TTLL7: variants seen among roughly 807,000 people sequenced by gnomAD.
TTLL7 encodes the protein tubulin polyglutamylase TTLL7.
TTLL7 carries 53 observed loss-of-function variants against 120.2 expected under a neutral mutation model. The observed-to-expected ratio is 0.44, with a 90% CI of 0.35 to 0.55. The LOEUF (loss-of-function observed/expected upper bound fraction) is 0.55. Among genes scored for constraint, TTLL7 ranks in the 20% least tolerant of loss-of-function variants. The probability of loss-of-function intolerance (pLI) is 0.00; values close to 1 mark genes in which losing one functional copy is unlikely to be tolerated. For synonymous variants in TTLL7, 353 were observed against 351.7 expected (o/e 1.00, Z -0.04); for missense variants, 803 against 1,054.7 (o/e 0.76, Z 3.31).
chr1:83,891,117 G>A (rs182155396), intron 18 of TTLL7, among the ~76,000 whole-genome samples: 1 of 152,042 alleles, frequency 6.6e-6, no homozygotes, highest in East Asian at 1.9e-4. Flanking sequence ...AAGATTAATA[G>A]ATTTTGATTA....
chr1:83,949,687 CA>C (rs1648858719), intron 4 of TTLL7, 177 bp downstream of exon 4: 1 of 605,756 alleles, frequency 1.7e-6, no homozygotes, highest in Admixed American at 3.7e-5. Context: ...CTTAAGTCTG[CA>C]AAAGATGCAG....
chr1:83,969,982 T>C (rs1346962935), intron 1 of TTLL7, among the ~76,000 whole-genome samples: 1 of 152,054 alleles, frequency 6.6e-6, no homozygotes, highest in Non-Finnish European at 1.5e-5. Context: ...TAGGATATTA[T>C]ATTCACTGTC....
chr1:83,878,910 A>G (rs763365381), intron 20 of TTLL7, among the ~76,000 whole-genome samples: 16 of 151,970 alleles, frequency 1.1e-4, no homozygotes, highest in Non-Finnish European at 2.4e-4. Context: ...TATCCTGTAG[A>G]TCTTTGGTAA....
At chr1:83,923,883 T>C (rs909945410) in intron 10 of TTLL7, among the ~76,000 whole-genome samples, 2 of 152,164 alleles carry the variant, frequency 1.3e-5, no homozygotes, top group African/African-American at 4.8e-5. Context: ...TCTTGAGTCT[T>C]TTCCACTACT....
At chr1:83,941,456 A>G (rs969136562) in intron 7 of TTLL7, among the ~76,000 whole-genome samples, 1 of 152,264 alleles carries the variant, frequency 6.6e-6, no homozygotes, top group East Asian at 1.9e-4. Flanking sequence ...TTCTTTTCCT[A>G]TGAAAAGTTT....
rs1398535357 is a variant in TTLL7, at chr1:83,867,491, G to A, written c.*2471C>T. The A allele has an allele frequency of 6.6e-6, 1 of 151,880 alleles. No individual in the cohort carries two copies. The highest frequency in any genetic ancestry group is 1.5e-5 in the Non-Finnish European group (1 of 67,874). The allele number at this position is 151,880 out of a possible 1,614,324, so 9.4% of individuals were successfully genotyped here. A position where few individuals can be genotyped will look rare whatever the true frequency, so the allele number is the denominator to read the frequency against. On this transcript the variant is annotated 3_prime_UTR_variant, in exon 21 of 21. Transcript: ENST00000260505. ...AATTTATTTGTTGAAATCAATTTGT[G>A]GGGTACTTTCATACATTTAAATTTA...
At chr1:83,996,653 G>A (rs552732269) in intron 1 of TTLL7, among the ~76,000 whole-genome samples, 6 of 152,222 alleles carry the variant, frequency 3.9e-5, no homozygotes, top group Non-Finnish European at 5.9e-5. Flanking sequence ...AATTACTCAC[G>A]TGTAAGTAAA....
intron 15 of TTLL7, among the ~76,000 whole-genome samples, chr1:83,909,257 CTTTTTTTTTTCCT>C (rs1557612445): frequency 8.3e-6 from 1 of 119,774 alleles, no homozygotes; most frequent in African/African-American, 3.2e-5. Flanking sequence ...TCACAGATTA[CTTTTTTTTTTCCT>C]TTTTTTTTTT....
At chr1:83,903,958 G>A in intron 18 of TTLL7, 121 bp downstream of exon 18, 3 of 760,634 alleles carry the variant, frequency 3.9e-6, no homozygotes, top group Non-Finnish European at 6.7e-6. Context: ...CTTAATAAGT[G>A]TTTGTTGAAG....
At chr1:83,984,931 T>C (rs577706700) in intron 1 of TTLL7, among the ~76,000 whole-genome samples, 2 of 150,980 alleles carry the variant, frequency 1.3e-5, no homozygotes, top group African/African-American at 2.4e-5. Context: ...CAAAATAAAA[T>C]AAAATAAAAT....
intron 20 of TTLL7, among the ~76,000 whole-genome samples, chr1:83,871,662 G>A (rs557264463): frequency 2.0e-5 from 3 of 152,042 alleles, no homozygotes; most frequent in South Asian, 2.1e-4. Context: ...TTGGGAGGCC[G>A]AGACGGGCGG....
At chr1:83,935,565 T>A (rs1043547293) in intron 8 of TTLL7, among the ~76,000 whole-genome samples, 6 of 152,112 alleles carry the variant, frequency 3.9e-5, no homozygotes, top group African/African-American at 1.2e-4. Context: ...ATACTCATTT[T>A]TAATCTCCAT....
At chr1:83,930,007 C>T (rs936785418) in intron 9 of TTLL7, among the ~76,000 whole-genome samples, 18 of 152,074 alleles carry the variant, frequency 1.2e-4, no homozygotes, top group Admixed American at 2.6e-4. Flanking sequence ...CCACAACTTG[C>T]ACCTGAAGAA....
At chr1:83,984,495 T>A in intron 1 of TTLL7, among the ~76,000 whole-genome samples, 1 of 152,206 alleles carries the variant, frequency 6.6e-6, no homozygotes, top group East Asian at 1.9e-4. Context: ...TGCAGCACTA[T>A]TCACAATAGC....
Position 83,948,613 on chromosome 1 carries a change from G to T in TTLL7, c.347+15C>A. 1 of 1,581,880 alleles carries T rather than the reference G, an allele frequency of 6.3e-7. No homozygotes were observed. The highest frequency in any genetic ancestry group is 1.3e-5 in the African/African-American group (1 of 74,290). On this transcript the variant is annotated intron_variant, in intron 5 of 20. Transcript: ENST00000260505. The stretch of plus-strand genomic sequence containing the variant: ...TTTGAACAGGTCTTCTCCATTACAA[G>T]AAAATAAAGATTACTTGGTCATATT...
At chr1:83,939,782 A>T (rs1647764003) in intron 7 of TTLL7, among the ~76,000 whole-genome samples, 2 of 152,300 alleles carry the variant, frequency 1.3e-5, no homozygotes, top group East Asian at 3.9e-4. Context: ...TTTAATTCTT[A>T]TAGAAATAAT....
chr1:83,911,122 A>G, intron 15 of TTLL7, 43 bp downstream of exon 15: 1 of 1,515,342 alleles, frequency 6.6e-7, no homozygotes, highest in South Asian at 1.2e-5. Context: ...TTTCAGTTCC[A>G]TAATTCTTTA....
At chr1:83,913,729 ATT>A (rs1657866712) in intron 14 of TTLL7, among the ~76,000 whole-genome samples, 1 of 152,186 alleles carries the variant, frequency 6.6e-6, no homozygotes, top group African/African-American at 2.4e-5. Flanking sequence ...CAACAAATAC[ATT>A]GTTAGTTTCC....
rs1293522101 is a variant in TTLL7 at position 83,866,276 on chromosome 1, A to T, written c.*3686T>A. On this transcript the variant is annotated 3_prime_UTR_variant, in exon 21 of 21. Coordinates refer to ENST00000260505, the MANE Select transcript of TTLL7 (RefSeq NM_024686.6). ...ATCAATTTTTTGATACTTTTGAAAAAGTCAAGTAATGTATATGCTTAAATC... is the reference window on the plus strand; with the variant it reads ...ATCAATTTTTTGATACTTTTGAAAATGTCAAGTAATGTATATGCTTAAATC... 6.6e-6 allele frequency: 1 copy of T among 151,864 alleles called. No homozygotes were observed. The highest frequency in any genetic ancestry group is 1.9e-4 in the East Asian group (1 of 5,200). The allele number at this position is 151,864 out of a possible 1,614,324, so 9.4% of individuals were successfully genotyped here.
Sources: gnomAD v4.1 joint callset for allele counts (sites outside exome capture counted in the v4.1 genomes callset) on GRCh38, gnomAD v4.1.1 for gene constraint, MANE v1.5 for transcripts, NCBI Gene and HGNC (gene_info 2026-07-23, HGNC 2026-07-21) for gene names.